Variants in ZDHHC17 observed in about 807,000 individuals in gnomAD.
ZDHHC17 encodes the protein palmitoyltransferase ZDHHC17.
ZDHHC17 carries 40 observed loss-of-function variants against 90.3 expected under a neutral mutation model. That is an observed-to-expected ratio of 0.44 (90% CI 0.34 to 0.58). The LOEUF is 0.58. ZDHHC17 is among the 20% of genes least tolerant of loss of function. The pLI is 0.01. For synonymous variants in ZDHHC17, 235 were observed against 252.4 expected (o/e 0.93, Z 0.65); for missense variants, 614 against 780.8 (o/e 0.79, Z 2.55).
chr12:76,793,891 A>C (rs553632836), intron 1 of ZDHHC17, among the ~76,000 whole-genome samples: 4 of 152,006 alleles, frequency 2.6e-5, no homozygotes, highest in Non-Finnish European at 5.9e-5. Flanking sequence ...ACAGGATTTT[A>C]TTTTATTTTT....
intron 10 of ZDHHC17, chr12:76,840,125 G>A (rs893302097): frequency 6.6e-6 from 1 of 151,838 alleles, no homozygotes; most frequent in Non-Finnish European, 1.5e-5. Flanking sequence ...GCACATAGTT[G>A]GTGATTAATA....
At chr12:76,832,053 G>A (rs571598724) in intron 10 of ZDHHC17, among the ~76,000 whole-genome samples, 3 of 152,314 alleles carry the variant, frequency 2.0e-5, no homozygotes, top group East Asian at 1.9e-4. Context: ...TATACTTCAT[G>A]TTATAGAAGA....
intron 9 of ZDHHC17, among the ~76,000 whole-genome samples, chr12:76,827,322 G>C (rs1279859203): frequency 1.3e-5 from 2 of 152,062 alleles, no homozygotes; most frequent in Admixed American, 1.3e-4. Context: ...GTGAATTTGA[G>C]TCTGTTGAAC....
At chr12:76,773,048 G>A (rs2137713087) in intron 1 of ZDHHC17, among the ~76,000 whole-genome samples, 1 of 152,182 alleles carries the variant, frequency 6.6e-6, no homozygotes, top group East Asian at 1.9e-4. Flanking sequence ...AGTAGAGACG[G>A]GATTTCACCA....
chr12:76,809,146 T>C lies in ZDHHC17; in HGVS notation c.398+26T>C, dbSNP rs773968239. 5 of 1,482,788 alleles carry C rather than the reference T, an allele frequency of 3.4e-6. No homozygotes were observed. In the Admixed American group the frequency reaches 9.1e-5, roughly 27 times the overall value. 91.9% of individuals were successfully genotyped at this position (1,482,788 alleles called of 1,614,324 possible). ...GTTTAAATTTGCTTCTGGATTTTTT[T>C]CCTTTGGTTCCTTTATTAGTATATA... On this transcript the variant is annotated intron_variant, in intron 4 of 16. Coordinates refer to ENST00000426126, the MANE Select transcript of ZDHHC17 (RefSeq NM_015336.4).
At chr12:76,824,917 T>G (rs1953211987) in intron 8 of ZDHHC17, among the ~76,000 whole-genome samples, 2 of 152,236 alleles carry the variant, frequency 1.3e-5, no homozygotes, top group South Asian at 4.1e-4. Context: ...CTTAGAATAT[T>G]AAGTAAAAGG....
intron 1 of ZDHHC17, among the ~76,000 whole-genome samples, chr12:76,779,652 C>G (rs1266716744): frequency 6.6e-6 from 1 of 152,128 alleles, no homozygotes; most frequent in African/African-American, 2.4e-5. Flanking sequence ...AACAGTCTTT[C>G]CCAGAGCAAA....
At chr12:76,830,878 CT>C (rs1317185529) in intron 10 of ZDHHC17, among the ~76,000 whole-genome samples, 1 of 151,436 alleles carries the variant, frequency 6.6e-6, no homozygotes, top group Admixed American at 6.6e-5. Flanking sequence ...CATTTTTTTC[CT>C]TTATTCAGAG....
Position 76,771,836 on chromosome 12 carries a change from A to T in ZDHHC17, c.93+7507A>T, listed in dbSNP as rs1952495703. ...AGATGTCAACAATCTTGTCTGAAAC[A>T]TAGTTGGGCAAAAAGGGGAATTTAC... is the stretch of plus-strand genomic sequence containing the variant. On this transcript the variant is annotated intron_variant, in intron 1 of 16. Coordinates refer to ENST00000426126, the MANE Select transcript of ZDHHC17 (RefSeq NM_015336.4). Among the ~76,000 whole-genome samples the T allele has an allele frequency of 2.0e-5, 3 of 152,206 alleles. No homozygotes were observed. The South Asian group carries it at 6.2e-4, about 31-fold the overall frequency.
At chr12:76,831,422 C>A (rs921068793) in intron 10 of ZDHHC17, among the ~76,000 whole-genome samples, 2 of 152,154 alleles carry the variant, frequency 1.3e-5, no homozygotes, top group Non-Finnish European at 2.9e-5. Context: ...ATGATCTTGG[C>A]TCACTGCAAC....
At chr12:76,802,205 A>G (rs1952899468) in intron 2 of ZDHHC17, among the ~76,000 whole-genome samples, 1 of 152,166 alleles carries the variant, frequency 6.6e-6, no homozygotes, top group Non-Finnish European at 1.5e-5. Flanking sequence ...TTTGAAGGAC[A>G]ATTTTGCTGA....
intron 1 of ZDHHC17, among the ~76,000 whole-genome samples, chr12:76,768,919 G>A (rs756309031): frequency 4.0e-5 from 6 of 150,396 alleles, no homozygotes; most frequent in Non-Finnish European, 7.4e-5. Context: ...TCTCATTTTC[G>A]TCTCTCTTTT....
chr12:76,831,722 C>T (rs1413109309), intron 10 of ZDHHC17, among the ~76,000 whole-genome samples: 1 of 152,158 alleles, frequency 6.6e-6, no homozygotes, highest in Non-Finnish European at 1.5e-5. Flanking sequence ...TCATGGCTCA[C>T]TGCTGCCTCA....
intron 7 of ZDHHC17, among the ~76,000 whole-genome samples, chr12:76,820,244 T>G (rs1169597095): frequency 6.6e-6 from 1 of 152,026 alleles, no homozygotes; most frequent in East Asian, 1.9e-4. Flanking sequence ...CAAAAGAATT[T>G]AAGAACCAAG....
intron 8 of ZDHHC17, among the ~76,000 whole-genome samples, chr12:76,825,745 A>G (rs1336518482): frequency 6.6e-6 from 1 of 152,160 alleles, no homozygotes; most frequent in African/African-American, 2.4e-5. Context: ...AAAATGTGTA[A>G]TATAACCTTA....
At chr12:76,782,033 G>A (rs988336021) in intron 1 of ZDHHC17, among the ~76,000 whole-genome samples, 1 of 152,134 alleles carries the variant, frequency 6.6e-6, no homozygotes, top group African/African-American at 2.4e-5. Context: ...TAAAGAGATG[G>A]TGTTGAATTT....
At chr12:76,778,240 C>T (rs538968754) in intron 1 of ZDHHC17, among the ~76,000 whole-genome samples, 11 of 151,982 alleles carry the variant, frequency 7.2e-5, no homozygotes, top group Middle Eastern at 3.4e-3. Context: ...GATGGAGTCT[C>T]GCTCCCACCC....
At chr12:76,771,953 A>C (rs75408239) in intron 1 of ZDHHC17, among the ~76,000 whole-genome samples, 23,085 of 152,090 alleles carry the variant, frequency 0.15, 2,061 homozygotes, top group Non-Finnish European at 0.2. Flanking sequence ...AAACTCTCTT[A>C]TCTCTCCTCC....
chr12:76,824,747 G>A (rs1953209904), intron 8 of ZDHHC17, among the ~76,000 whole-genome samples: 1 of 151,812 alleles, frequency 6.6e-6, no homozygotes, highest in Non-Finnish European at 1.5e-5. Flanking sequence ...GGAGGCAGAG[G>A]CAGGAGGATT....
Sources: allele counts gnomAD v4.1 joint callset (sites outside exome capture counted in the v4.1 genomes callset), GRCh38; gene constraint gnomAD v4.1.1; transcripts MANE v1.5; gene names NCBI Gene and HGNC (gene_info 2026-07-23, HGNC 2026-07-21).